ACKR2: variants seen among roughly 807,000 people sequenced by gnomAD.
ACKR2 encodes atypical chemokine receptor 2, also known as C-C chemokine receptor D6.
For synonymous variants in ACKR2, 207 were observed against 192.2 expected (o/e 1.08, Z -0.64); for missense variants, 457 against 477.3 (o/e 0.96, Z 0.40).
At chr3:42,860,189 A>AAAAAG (rs376833790) in intron 2 of ACKR2, among the ~76,000 whole-genome samples, 1 of 111,520 alleles carries the variant, frequency 9.0e-6, no homozygotes, top group African/African-American at 2.9e-5. Context: ...AAAAAAAAAA[A>AAAAAG]GCAGGGGATG....
chr3:42,865,183 C>G lies in ACKR2; in HGVS notation c.681C>G (p.Ile227Met), dbSNP rs1172328846. ...LGFLLPLLAMIFFYSRIGCVL... is the reference protein window; with the variant it reads ...LGFLLPLLAMMFFYSRIGCVL... The stretch of plus-strand genomic sequence containing the variant: ...TTCTCCTTCCACTCCTTGCCATGAT[C>G]TTCTTCTACTCCCGTATTGGTTGTG... The change falls in exon 3 of 3, where the codon ATC becomes ATG. Residue 227 changes from isoleucine to methionine, a missense_variant. Transcript: ENST00000422265. 6.2e-7 allele frequency: 1 copy of G among 1,614,114 alleles called. No homozygotes were observed. The highest frequency in any genetic ancestry group is 1.1e-5 in the South Asian group (1 of 91,076).
rs746242379 is a variant in ACKR2, at chr3:42,864,455, T to C, written c.-37-11T>C. 27 of 1,537,534 alleles carry C rather than the reference T, an allele frequency of 1.8e-5. No homozygotes were observed. Among genetic ancestry groups the C allele is most frequent in the Admixed American group, 1.4e-4 (7 of 49,120 alleles). ...GAGAATGCTAGGTCTCACCATATTT[T>C]CCCCCCGCAGCACTACAGGACGTCG... On this transcript the variant is annotated splice_polypyrimidine_tract_variant and intron_variant, in intron 2 of 2. Coordinates refer to ENST00000422265, the MANE Select transcript of ACKR2 (RefSeq NM_001296.5).
At position 42,865,607 on chromosome 3, in the gene ACKR2, C is replaced by T. The variant is rs777336020; in HGVS notation, c.1105C>T (p.Gln369Ter). The T allele has an allele frequency of 2.5e-6, 4 of 1,613,928 alleles. No homozygotes were observed. Among genetic ancestry groups the T allele is most frequent in the Non-Finnish European group, 3.4e-6 (4 of 1,179,948 alleles). ...TGGCATGAATGACCTTGGAGAGAGG[C>T]AGTCTGAGAACTACCCTAACAAGGA... ...MTGMNDLGER[Q>*]SENYPNKEDV... is the part of the protein sequence containing the mutation. Residue 369 changes from glutamine (Q) to a stop codon, truncating the protein, a stop_gained, in exon 3 of 3, where the codon CAG becomes TAG. Transcript: ENST00000422265. LOFTEE classifies it low-confidence loss of function (END_TRUNC).
chr3:42,815,703 T>C (rs957549475), intron 1 of ACKR2, among the ~76,000 whole-genome samples: 4 of 152,232 alleles, frequency 2.6e-5, no homozygotes, highest in Non-Finnish European at 4.4e-5. Flanking sequence ...GAAACACTAA[T>C]ATTTTTCCAG....
At chr3:42,811,010 C>T (rs1040806862) in intron 1 of ACKR2, among the ~76,000 whole-genome samples, 8 of 152,130 alleles carry the variant, frequency 5.3e-5, no homozygotes, top group Admixed American at 1.3e-4. Flanking sequence ...CCACCACACC[C>T]GGCTAACTTT....
chr3:42,862,244 T>C (rs942615305), intron 2 of ACKR2, among the ~76,000 whole-genome samples: 7 of 152,052 alleles, frequency 4.6e-5, no homozygotes, highest in Admixed American at 2.0e-4. Context: ...AAATAATGAG[T>C]GAACTCCCAT....
chr3:42,847,258 T>A (rs143149766), intron 2 of ACKR2, among the ~76,000 whole-genome samples: 248 of 152,282 alleles, frequency 1.6e-3, no homozygotes, highest in African/African-American at 5.5e-3. Context: ...ACCCCTTAGC[T>A]GAAGGGTGCC....
At chr3:42,822,757 G>A (rs1700821281) in intron 2 of ACKR2, among the ~76,000 whole-genome samples, 1 of 146,256 alleles carries the variant, frequency 6.8e-6, no homozygotes, top group Admixed American at 7.5e-5. Flanking sequence ...CTTGGGAGGT[G>A]GAGGCAGGAT....
intron 2 of ACKR2, among the ~76,000 whole-genome samples, chr3:42,820,459 G>A (rs1313883214): frequency 6.6e-6 from 1 of 151,948 alleles, no homozygotes; most frequent in Non-Finnish European, 1.5e-5. Context: ...CAGATGTGGT[G>A]GTGGGCGCCT....
At chr3:42,820,574 C>T (rs910606807) in intron 2 of ACKR2, among the ~76,000 whole-genome samples, 8 of 131,962 alleles carry the variant, frequency 6.1e-5, no homozygotes, top group Non-Finnish European at 1.2e-4. Flanking sequence ...GCCTGGGCAA[C>T]AGAGCAAGAC....
intron 1 of ACKR2, among the ~76,000 whole-genome samples, chr3:42,811,410 T>C (rs1432521790): frequency 6.6e-6 from 1 of 152,198 alleles, no homozygotes; most frequent in Non-Finnish European, 1.5e-5. Flanking sequence ...ACAATATGTT[T>C]ACAGGCTGTA....
chr3:42,865,938 C>T lies in ACKR2; in HGVS notation c.*281C>T, dbSNP rs181594074. On this transcript the variant is annotated 3_prime_UTR_variant, in exon 3 of 3. Transcript: ENST00000422265. Reference sequence around the variant, plus strand: ...TCCCTCTCTCCCTCCCTCCCTCCCTCGCTTCTTCCCTTCCTCCTTTCCTCC... The same window carrying T: ...TCCCTCTCTCCCTCCCTCCCTCCCTTGCTTCTTCCCTTCCTCCTTTCCTCC... The T allele has an allele frequency of 7.9e-6, 3 of 379,714 alleles. No individual in the cohort carries two copies. Among genetic ancestry groups the T allele is most frequent in the South Asian group, 3.7e-5 (1 of 27,348 alleles). The allele number at this position is 379,714 out of a possible 1,614,324, so 23.5% of individuals were successfully genotyped here.
intron 2 of ACKR2, among the ~76,000 whole-genome samples, chr3:42,848,414 C>T (rs978323082): frequency 1.3e-5 from 2 of 151,788 alleles, no homozygotes; most frequent in East Asian, 1.9e-4. Flanking sequence ...GATGAGGTTT[C>T]GCCATGTTGC....
intron 2 of ACKR2, among the ~76,000 whole-genome samples, chr3:42,851,975 G>A (rs557782293): frequency 6.6e-6 from 1 of 152,260 alleles, no homozygotes; most frequent in East Asian, 1.9e-4. Context: ...CTCCTCCCAT[G>A]CATCCCAGCC....
intron 2 of ACKR2, among the ~76,000 whole-genome samples, chr3:42,830,243 G>A (rs928681617): frequency 2.6e-5 from 4 of 152,118 alleles, no homozygotes; most frequent in Admixed American, 2.0e-4. Flanking sequence ...GAGGATGCTG[G>A]TCGTTAGCCT....
At chr3:42,831,151 G>A (rs959227227) in intron 2 of ACKR2, among the ~76,000 whole-genome samples, 7 of 152,168 alleles carry the variant, frequency 4.6e-5, no homozygotes, top group Non-Finnish European at 1.5e-5. Context: ...ATCAGTGTGC[G>A]AGATGGGTTG....
chr3:42,818,341 T>C (rs1273269968), intron 1 of ACKR2, among the ~76,000 whole-genome samples: 1 of 152,228 alleles, frequency 6.6e-6, no homozygotes, highest in Non-Finnish European at 1.5e-5. Context: ...TCCTCCTTTC[T>C]TCACATCCAG....
rs747873152 is a variant in ACKR2, at chr3:42,865,490, G to A, written c.988G>A (p.Val330Met). ...RQYLKAFLAA[V>M]LGWHLAPGTA... Reference sequence around the variant, plus strand: ...GTACCTGAAGGCTTTCCTGGCTGCCGTGCTTGGATGGCACCTGGCACCTGG... The same window carrying A: ...GTACCTGAAGGCTTTCCTGGCTGCCATGCTTGGATGGCACCTGGCACCTGG... The change falls in exon 3 of 3, where the codon GTG becomes ATG. Residue 330 changes from valine to methionine, a missense_variant. Transcript: ENST00000422265. 17 of 1,614,088 alleles carry A rather than the reference G, an allele frequency of 1.1e-5. No individual in the cohort carries two copies. The highest frequency in any genetic ancestry group is 6.7e-5 in the Admixed American group (4 of 60,016).
intron 2 of ACKR2, among the ~76,000 whole-genome samples, chr3:42,823,100 A>G (rs928849961): frequency 6.6e-6 from 1 of 152,114 alleles, no homozygotes; most frequent in African/African-American, 2.4e-5. Context: ...CAGGCCCCAC[A>G]TGGTCTAGGC....
Sources: allele counts gnomAD v4.1 joint callset (sites outside exome capture counted in the v4.1 genomes callset), GRCh38; gene constraint gnomAD v4.1.1; transcripts MANE v1.5; gene names NCBI Gene and HGNC (gene_info 2026-07-23, HGNC 2026-07-21).